Variants in SLC6A11 observed in about 807,000 individuals in gnomAD.
The protein encoded by SLC6A11 is sodium- and chloride-dependent GABA transporter 3.
SLC6A11 carries 25 observed loss-of-function variants against 74.8 expected under a neutral mutation model. That is an observed-to-expected ratio of 0.33 (90% CI 0.24 to 0.47). The LOEUF (loss-of-function observed/expected upper bound fraction) is 0.47. Among genes scored for constraint, SLC6A11 ranks in the 20% least tolerant of loss-of-function variants. The pLI, the probability that SLC6A11 is intolerant of heterozygous loss-of-function variation, is 1.00. For missense variants in SLC6A11, 574 were observed against 837.0 expected (o/e 0.69, Z 3.88); for synonymous variants, 330 against 330.2 (o/e 1.00, Z 0.01).
At chr3:10,864,364 A>C (rs1694739072) in intron 5 of SLC6A11, among the ~76,000 whole-genome samples, 1 of 151,546 alleles carries the variant, frequency 6.6e-6, no homozygotes, top group Non-Finnish European at 1.5e-5. Flanking sequence ...TTTTCCTGTC[A>C]GTATCTGAGA....
chr3:10,925,655 T>A (rs1382727426), intron 8 of SLC6A11, among the ~76,000 whole-genome samples: 1 of 152,134 alleles, frequency 6.6e-6, no homozygotes, highest in African/African-American at 2.4e-5. Flanking sequence ...AGAGTCAGAA[T>A]CGCTGGGTAG....
chr3:10,904,955 C>G (rs1004442154), intron 6 of SLC6A11, among the ~76,000 whole-genome samples: 2 of 152,184 alleles, frequency 1.3e-5, no homozygotes, highest in Non-Finnish European at 2.9e-5. Flanking sequence ...GCCTGTAGTA[C>G]GCACTAGGTT....
chr3:10,938,225 C>G, intron 13 of SLC6A11, 25 bp from the exon 14 acceptor site: 6 of 1,570,126 alleles, frequency 3.8e-6, no homozygotes, highest in Non-Finnish European at 5.2e-6. Flanking sequence ...TCACTCAGAT[C>G]TTCCCCTCCT....
intron 6 of SLC6A11, among the ~76,000 whole-genome samples, chr3:10,890,197 C>T (rs769973527): frequency 1.3e-5 from 2 of 151,922 alleles, no homozygotes; most frequent in African/African-American, 2.4e-5. Context: ...GGAAAAAAGG[C>T]CCAAGAAGCA....
At position 10,816,700 on chromosome 3, in the gene SLC6A11, C is replaced by T. The variant is rs921300484; in HGVS notation, c.256+179C>T. Among the ~76,000 whole-genome samples the T allele has an allele frequency of 6.6e-6, 1 of 152,210 alleles. No individual in the cohort carries two copies. The highest frequency in any genetic ancestry group is 1.5e-5 in the Non-Finnish European group (1 of 68,040). Reference sequence around the variant, plus strand: ...GGAGCGCGGCCCACCTGTGCCAGTGCGCACGCGCACGTGCCAATTCGCACC... The same window carrying T: ...GGAGCGCGGCCCACCTGTGCCAGTGTGCACGCGCACGTGCCAATTCGCACC... On this transcript the variant is annotated intron_variant, in intron 1 of 13. Coordinates refer to ENST00000254488, the MANE Select transcript of SLC6A11 (RefSeq NM_014229.3). This position sits in a 1 kb window ranked among gnomAD's most constrained non-coding sequence, Gnocchi z 4.2.
At chr3:10,934,026 T>C (rs1239962987) in intron 11 of SLC6A11, 40 bp from the exon 12 acceptor site, 9 of 1,417,974 alleles carry the variant, frequency 6.3e-6, no homozygotes, top group Non-Finnish European at 9.0e-6. Flanking sequence ...ACAAAACTTC[T>C]CTGGGGTGTG....
At chr3:10,818,103 T>C (rs1575663097) in intron 1 of SLC6A11, among the ~76,000 whole-genome samples, 1 of 149,296 alleles carries the variant, frequency 6.7e-6, no homozygotes, top group Non-Finnish European at 1.5e-5. Flanking sequence ...AAGGTTGTAG[T>C]GAGTAAAGTT....
rs772766569 is a variant in SLC6A11 at position 10,816,548 on chromosome 3, G to A, written c.256+27G>A. ...TGAGGTGATAGTGAGGAGAAGGGGAGGGGGCGCCAACCGCCCGGTGGGGGC... is the reference window on the plus strand; with the variant it reads ...TGAGGTGATAGTGAGGAGAAGGGGAAGGGGCGCCAACCGCCCGGTGGGGGC... On this transcript the variant is annotated intron_variant, in intron 1 of 13. Coordinates refer to ENST00000254488, the MANE Select transcript of SLC6A11 (RefSeq NM_014229.3). This position sits in a 1 kb window ranked among gnomAD's most constrained non-coding sequence, Gnocchi z 4.2. 3 of 1,546,336 alleles carry A rather than the reference G, an allele frequency of 1.9e-6. No homozygotes were observed. The highest frequency in any genetic ancestry group is 1.9e-5 in the Admixed American group (1 of 53,938).
At chr3:10,849,116 A>G (rs2106588381) in intron 5 of SLC6A11, among the ~76,000 whole-genome samples, 1 of 152,220 alleles carries the variant, frequency 6.6e-6, no homozygotes, top group African/African-American at 2.4e-5. Flanking sequence ...CTTCATAGAT[A>G]TTTTCCCTCA....
At chr3:10,924,124 G>A (rs1019240643) in intron 8 of SLC6A11, among the ~76,000 whole-genome samples, 2 of 152,064 alleles carry the variant, frequency 1.3e-5, no homozygotes, top group African/African-American at 4.8e-5. Flanking sequence ...ATTAAATGTT[G>A]GAACAGAAAA....
intron 6 of SLC6A11, among the ~76,000 whole-genome samples, chr3:10,875,950 A>G (rs184274492): frequency 1.6e-4 from 25 of 152,360 alleles, no homozygotes; most frequent in African/African-American, 5.3e-4. Flanking sequence ...AAAGGACTCT[A>G]GGTCATTCTA....
At chr3:10,912,624 C>G (rs1327959167) in intron 7 of SLC6A11, among the ~76,000 whole-genome samples, 1 of 152,264 alleles carries the variant, frequency 6.6e-6, no homozygotes, top group Non-Finnish European at 1.5e-5. Flanking sequence ...CAGTGCCCCA[C>G]TTTGCCCCTC....
Position 10,872,243 on chromosome 3 carries a change from C to T in SLC6A11, c.757-2718C>T, listed in dbSNP as rs189607213. 1.5e-3 allele frequency among the ~76,000 whole-genome samples: 228 copies of T among 152,310 alleles called. 2 individuals carry two copies. Among genetic ancestry groups the T allele is most frequent in the Non-Finnish European group, 2.6e-3 (174 of 68,032 alleles). On this transcript the variant is annotated intron_variant, in intron 5 of 13. Coordinates refer to ENST00000254488, the MANE Select transcript of SLC6A11 (RefSeq NM_014229.3). ...GCAATCCTGGGCAAGTTATGAGTAACTTCTCTGGCCTTTGTCATGTGTAAA... is the reference window on the plus strand; with the variant it reads ...GCAATCCTGGGCAAGTTATGAGTAATTTCTCTGGCCTTTGTCATGTGTAAA...
chr3:10,833,457 A>G (rs1184033949), intron 4 of SLC6A11, among the ~76,000 whole-genome samples: 1 of 152,142 alleles, frequency 6.6e-6, no homozygotes, highest in East Asian at 1.9e-4. Flanking sequence ...CTTGCCCAGA[A>G]CACCTTCCCA....
intron 4 of SLC6A11, among the ~76,000 whole-genome samples, chr3:10,825,978 G>A (rs1694204383): frequency 6.6e-6 from 1 of 152,160 alleles, no homozygotes; most frequent in African/African-American, 2.4e-5. Context: ...TTCCAAAATT[G>A]TTTTAGTCTT....
rs894900075 is a variant in SLC6A11 at position 10,816,749 on chromosome 3, G to C, written c.256+228G>C. On this transcript the variant is annotated intron_variant, in intron 1 of 13. Transcript: ENST00000254488. This position sits in a 1 kb window ranked among gnomAD's most constrained non-coding sequence, Gnocchi z 4.2. ...CCTGAGGGTTCCACCTGCCAGCGCG[G>C]GGACTTGCCCGCGTTCTGTCCCCAG... is the stretch of plus-strand genomic sequence containing the variant. Among the ~76,000 whole-genome samples, 1 of 152,238 alleles carries C rather than the reference G, an allele frequency of 6.6e-6. No individual in the cohort carries two copies. The highest frequency in any genetic ancestry group is 1.5e-5 in the Non-Finnish European group (1 of 68,044).
intron 4 of SLC6A11, among the ~76,000 whole-genome samples, chr3:10,826,481 T>C (rs1335731376): frequency 2.6e-5 from 4 of 152,220 alleles, no homozygotes; most frequent in Non-Finnish European, 4.4e-5. Context: ...AAGGTCTCTG[T>C]GTTAGTTACT....
intron 8 of SLC6A11, among the ~76,000 whole-genome samples, chr3:10,919,282 G>A (rs1285597153): frequency 6.6e-6 from 1 of 152,188 alleles, no homozygotes; most frequent in East Asian, 1.9e-4. Flanking sequence ...AAGTGCATAT[G>A]AAAAAGTACA....
intron 1 of SLC6A11, among the ~76,000 whole-genome samples, chr3:10,819,041 G>T (rs1026806752): frequency 6.6e-6 from 1 of 152,188 alleles, no homozygotes; most frequent in African/African-American, 2.4e-5. Flanking sequence ...AAAGTAAAAG[G>T]AAGGGGTGCC....
Sources: gnomAD v4.1 joint callset for allele counts (sites outside exome capture counted in the v4.1 genomes callset) on GRCh38, gnomAD v4.1.1 for gene constraint, Gnocchi (gnomAD v3.1) non-coding constraint, MANE v1.5 for transcripts, NCBI Gene and HGNC (gene_info 2026-07-23, HGNC 2026-07-21) for gene names.